AAK1: variants seen among roughly 807,000 people sequenced by gnomAD.
AAK1 encodes the protein AP2-associated protein kinase 1.
Under a neutral mutation model 116.0 loss-of-function variants are expected in AAK1, and 37 were observed. The ratio of observed to expected loss-of-function variants is 0.32; its 90% CI spans 0.25 to 0.42. The LOEUF (loss-of-function observed/expected upper bound fraction) is 0.42, where lower values mean the gene tolerates loss of function less well. AAK1 is among the 10% of genes least tolerant of loss of function. AAK1 has a pLI of 1.00. For synonymous variants in AAK1, 458 were observed against 439.9 expected (o/e 1.04, Z -0.51); for missense variants, 919 against 1,170.6 (o/e 0.79, Z 3.14).
Position 69,507,546 on chromosome 2 carries a change from C to T in AAK1, c.2039G>A (p.Arg680Gln), listed in dbSNP as rs993859664. 10 of 1,611,700 alleles carry T rather than the reference C, an allele frequency of 6.2e-6. No homozygotes were observed. In the Admixed American group the frequency reaches 8.4e-5, roughly 13 times the overall value. The part of the protein sequence containing the change: ...SATTTPSGSP[R>Q]TSQQNVYNPS... ...ATTATAAACGTTTTGTTGAGAGGTC[C>T]GAGGAGAGCCTGATGGAGTGGTGGT... Residue 680 changes from arginine to glutamine, a missense_variant, in exon 15 of 22, where the codon CGG becomes CAG. Coordinates refer to ENST00000409085, the MANE Select transcript of AAK1 (RefSeq NM_014911.5).
chr2:69,516,084 A>T lies in AAK1; in HGVS notation c.1498-1335T>A, dbSNP rs1676567973. The stretch of plus-strand genomic sequence containing the variant: ...TTTCACATATCCACAAAACAGAATT[A>T]AACTAAAATTTAAAAAGCAATAACT... On this transcript the variant is annotated intron_variant, in intron 12 of 21. Coordinates refer to ENST00000409085, the MANE Select transcript of AAK1 (RefSeq NM_014911.5). Among the ~76,000 whole-genome samples, 6 of 152,230 alleles carry T rather than the reference A, an allele frequency of 3.9e-5. 1 individual carries two copies. The South Asian group carries it at 1.2e-3, about 31-fold the overall frequency.
At chr2:69,576,582 G>C (rs139750053) in intron 2 of AAK1, among the ~76,000 whole-genome samples, 3,283 of 152,202 alleles carry the variant, frequency 0.022, 55 homozygotes, top group South Asian at 0.04. Context: ...ACTTACAAGT[G>C]AGAACATGCA....
In AAK1 at chr2:69,540,090, T is replaced by C. The variant is rs149339551; in HGVS notation, c.534+2433A>G. 4.6e-3 allele frequency among the ~76,000 whole-genome samples: 697 copies of C among 151,762 alleles called. 5 individuals are homozygous for C. Among genetic ancestry groups the C allele is most frequent in the African/African-American group, 0.016 (663 of 41,210 alleles). On this transcript the variant is annotated intron_variant, in intron 5 of 21. Coordinates refer to ENST00000409085, the MANE Select transcript of AAK1 (RefSeq NM_014911.5). ...TGCTATGCTAAGCTTATAATAAATA[T>C]TCAACAACATGCATTCCCTGCCCCA...
Position 69,539,588 on chromosome 2 carries a change from G to A in AAK1, c.534+2935C>T, listed in dbSNP as rs138095893. Among the ~76,000 whole-genome samples the A allele has an allele frequency of 1.2e-3, 190 of 152,260 alleles. 1 individual carries two copies. Among genetic ancestry groups the A allele is most frequent in the African/African-American group, 4.5e-3 (187 of 41,544 alleles). ...CCTGTTCTGAAATACATGCTAACAGGATTTAAACAAAAATTTTACTCATTG... is the reference window on the plus strand; with the variant it reads ...CCTGTTCTGAAATACATGCTAACAGAATTTAAACAAAAATTTTACTCATTG... On this transcript the variant is annotated intron_variant, in intron 5 of 21. Transcript: ENST00000409085.
chr2:69,476,838 A>G, intron 21 of AAK1, 42 bp downstream of exon 21: 1 of 1,462,906 alleles, frequency 6.8e-7, no homozygotes, highest in Non-Finnish European at 9.5e-7. Flanking sequence ...TTTGAAGAGA[A>G]CTGAGGCCAA....
At chr2:69,527,126 A>G (rs983427871) in intron 9 of AAK1, 90 bp downstream of exon 9, 38 of 921,792 alleles carry the variant, frequency 4.1e-5, no homozygotes, top group Non-Finnish European at 6.0e-5. Flanking sequence ...AGGGACATCT[A>G]AATTCATTTA....
chr2:69,500,696 TATAC>T (rs1255141431), intron 16 of AAK1, among the ~76,000 whole-genome samples: 211 of 99,314 alleles, frequency 2.1e-3, no homozygotes, highest in African/African-American at 5.7e-3. Flanking sequence ...TATATATATA[TATAC>T]ACACACACAC....
chr2:69,570,512 A>G (rs1672052664), intron 2 of AAK1, among the ~76,000 whole-genome samples: 1 of 152,058 alleles, frequency 6.6e-6, no homozygotes, highest in Non-Finnish European at 1.5e-5. Flanking sequence ...TGCCGTAGAA[A>G]TGATACTTGT....
chr2:69,470,298 T>C lies in AAK1; in HGVS notation c.*5571A>G. On this transcript the variant is annotated 3_prime_UTR_variant, in exon 22 of 22. Coordinates refer to ENST00000409085, the MANE Select transcript of AAK1 (RefSeq NM_014911.5). Reference sequence around the variant, plus strand: ...TAGTTAGTAAACAGAAAGCAAAATATCCCTTCACAAGAACTTGGAAATGCA... The same window carrying C: ...TAGTTAGTAAACAGAAAGCAAAATACCCCTTCACAAGAACTTGGAAATGCA... 1 of 985,328 alleles carries C rather than the reference T, an allele frequency of 1.0e-6. No homozygotes were observed. The highest frequency in any genetic ancestry group is 4.7e-5 in the South Asian group (1 of 21,280). The allele number at this position is 985,328 out of a possible 1,614,324, so 61.0% of individuals were successfully genotyped here. A position where few individuals can be genotyped will look rare whatever the true frequency, so the allele number is the denominator to read the frequency against.
rs191730786 is a variant in AAK1 at position 69,487,915 on chromosome 2, G to A, written c.2366-5103C>T. 7.8e-3 allele frequency among the ~76,000 whole-genome samples: 1,182 copies of A among 150,728 alleles called. 11 individuals carry two copies. Among genetic ancestry groups the A allele is most frequent in the African/African-American group, 0.027 (1,098 of 41,124 alleles). The stretch of plus-strand genomic sequence containing the variant: ...AGCAATTCTCCCGCCTCAGCCTCCC[G>A]AGTATCTGGCATTATAGGCGCCTGC... On this transcript the variant is annotated intron_variant, in intron 17 of 21. Coordinates refer to ENST00000409085, the MANE Select transcript of AAK1 (RefSeq NM_014911.5).
chr2:69,527,263 A>G lies in AAK1; in HGVS notation c.928T>C (p.Phe310Leu). The G allele has an allele frequency of 1.9e-6, 3 of 1,610,484 alleles. No homozygotes were observed. The highest frequency in any genetic ancestry group is 1.7e-6 in the Non-Finnish European group (2 of 1,178,206). Residue 310 changes from phenylalanine to leucine, a missense_variant, in exon 9 of 22, where the codon TTC (phenylalanine) becomes CTC (leucine). Coordinates refer to ENST00000409085, the MANE Select transcript of AAK1 (RefSeq NM_014911.5). ...KRPDIYQVSY[F>L]SFKLLKKECP... ...TCTTTCTTGAGTAGCTTAAATGAGA[A>G]GTAGGACACCTGGTAAATATCCGGC...
chr2:69,598,372 A>C (rs1410441949), intron 2 of AAK1: 6 of 326,370 alleles, frequency 1.8e-5, no homozygotes, highest in African/African-American at 1.1e-4. Flanking sequence ...GTTGGGTTAT[A>C]AAATGTCCAG....
At chr2:69,568,391 C>T (rs893175570) in intron 2 of AAK1, among the ~76,000 whole-genome samples, 21 of 150,542 alleles carry the variant, frequency 1.4e-4, no homozygotes, top group African/African-American at 4.2e-4. Flanking sequence ...TTATGGAATA[C>T]GCACTGGCAT....
Position 69,471,153 on chromosome 2 carries a change from A to G in AAK1, c.*4716T>C. 2 of 985,640 alleles carry G rather than the reference A, an allele frequency of 2.0e-6. No homozygotes were observed. The highest frequency in any genetic ancestry group is 2.4e-6 in the Non-Finnish European group (2 of 829,928). 61.1% of individuals were successfully genotyped at this position (985,640 alleles called of 1,614,324 possible). ...AGAGTGCAATAGGGCAGAGTAGAAT[A>G]CTCACAGGAAAAGAGTAAATTCAGG... On this transcript the variant is annotated 3_prime_UTR_variant, in exon 22 of 22. Transcript: ENST00000409085.
At chr2:69,476,480 T>C (rs373876630) in intron 21 of AAK1, among the ~76,000 whole-genome samples, 15 of 152,218 alleles carry the variant, frequency 9.9e-5, no homozygotes, top group East Asian at 5.8e-4. Context: ...GGATGCTCCA[T>C]TAATGTCAAA....
chr2:69,529,921 T>C, intron 8 of AAK1, 87 bp downstream of exon 8: 1 of 1,182,572 alleles, frequency 8.5e-7, no homozygotes, highest in Non-Finnish European at 1.1e-6. Context: ...TCTAACTCAT[T>C]ACTCCTGGAA....
intron 2 of AAK1, among the ~76,000 whole-genome samples, chr2:69,599,351 C>T (rs909237016): frequency 2.2e-5 from 3 of 134,716 alleles, no homozygotes; most frequent in African/African-American, 8.5e-5. Context: ...ATGTGGATTA[C>T]TAATTTAAAA....
intron 21 of AAK1, 70 bp downstream of exon 21, chr2:69,476,810 G>A (rs1674874279): frequency 1.9e-6 from 2 of 1,068,392 alleles, no homozygotes; most frequent in Non-Finnish European, 2.8e-6. Context: ...CCCCCTTGCA[G>A]ATTAGGTGCA....
rs980853055 is a variant in AAK1, at chr2:69,607,854, C to A, written c.163+35024G>T. 1.4e-4 allele frequency among the ~76,000 whole-genome samples: 21 copies of A among 152,266 alleles called. No homozygotes were observed. In the South Asian group the frequency reaches 4.2e-3, roughly 30 times the overall value. On this transcript the variant is annotated intron_variant, in intron 2 of 21. Transcript: ENST00000409085. ...GTGCTACAGCAGGGAAGGGGAAGAG[C>A]CTGATAATCTCATCAGGTGGAGTTG...
Sources: allele counts gnomAD v4.1 joint callset (sites outside exome capture counted in the v4.1 genomes callset), GRCh38; gene constraint gnomAD v4.1.1; transcripts MANE v1.5; gene names NCBI Gene and HGNC (gene_info 2026-07-23, HGNC 2026-07-21).